LAMA1: variants seen among roughly 807,000 people sequenced by gnomAD.
The protein encoded by LAMA1 is laminin subunit alpha 1, also known as laminin subunit alpha-1.
A neutral mutation model predicts 348.7 loss-of-function variants in LAMA1; 219 were observed. The ratio of observed to expected loss-of-function variants is 0.63; its 90% confidence interval spans 0.56 to 0.70. LAMA1 has a LOEUF of 0.70. LAMA1 is among the 30% of genes least tolerant of loss of function. The pLI is 0.00. For missense variants in LAMA1, 3,744 were observed against 3,888.0 expected (o/e 0.96, Z 0.99); for synonymous variants, 1,487 against 1,491.0 (o/e 1.00, Z 0.06).
chr18:7,089,971 T>C (rs1489512170), intron 1 of LAMA1, among the ~76,000 whole-genome samples: 1 of 152,160 alleles, frequency 6.6e-6, no homozygotes, highest in Non-Finnish European at 1.5e-5. Context: ...TGTTTTAAAA[T>C]TAAGTATACA....
chr18:7,017,607 G>T (rs949265926), intron 19 of LAMA1, among the ~76,000 whole-genome samples: 3 of 152,142 alleles, frequency 2.0e-5, no homozygotes, highest in African/African-American at 7.2e-5. Context: ...ACACATTGAA[G>T]CTATTAAGAC....
Position 6,943,392 on chromosome 18 carries a change from T to C in LAMA1, c.8855A>G (p.His2952Arg), listed in dbSNP as rs772869681. The change falls in exon 62 of 63, where the codon CAT becomes CGT. Residue 2952 changes from histidine (H) to arginine (R), a missense_variant. Around this residue, in one of 3 missense-constraint regions of LAMA1, gnomAD observed 232 missense variants for 264.4 expected, o/e 0.88. Transcript: ENST00000389658. ...TATCCTGCCAGCACCATTGTTGACATGGAACAAGACCTAAAAGCAAATATC... is the reference window on the plus strand; with the variant it reads ...TATCCTGCCAGCACCATTGTTGACACGGAACAAGACCTAAAAGCAAATATC... Reference protein sequence around the residue: ...LELVDGKVLFHVNNGAGRITA... With the variant: ...LELVDGKVLFRVNNGAGRITA... 15 of 1,613,992 alleles carry C rather than the reference T, an allele frequency of 9.3e-6. No homozygotes were observed. In the African/African-American group the frequency reaches 1.7e-4, roughly 19 times the overall value.
intron 1 of LAMA1, among the ~76,000 whole-genome samples, chr18:7,107,535 C>T (rs1254819788): frequency 6.6e-6 from 1 of 152,160 alleles, no homozygotes; most frequent in Admixed American, 6.6e-5. Context: ...GAACAGGGCT[C>T]TCCAGACACA....
intron 11 of LAMA1, 43 bp downstream of exon 11, chr18:7,038,767 C>A (rs765316782): frequency 6.2e-7 from 1 of 1,610,150 alleles, no homozygotes; most frequent in East Asian, 2.2e-5. Context: ...TTGTGCAATA[C>A]GACCTGCTCA....
At chr18:6,973,279 T>C in intron 46 of LAMA1, 72 bp from the exon 47 acceptor site, 1 of 1,414,434 alleles carries the variant, frequency 7.1e-7, no homozygotes, top group Non-Finnish European at 9.9e-7. Flanking sequence ...CCCGTTTCCT[T>C]CACACCCACC....
chr18:6,996,040 A>T (rs1312929758), intron 33 of LAMA1, among the ~76,000 whole-genome samples: 1 of 152,166 alleles, frequency 6.6e-6, no homozygotes, highest in Admixed American at 6.5e-5. Flanking sequence ...GTCTTATTTG[A>T]TATATATAAA....
chr18:7,053,034 A>C (rs2058068279), intron 3 of LAMA1, among the ~76,000 whole-genome samples: 1 of 152,212 alleles, frequency 6.6e-6, no homozygotes, highest in Non-Finnish European at 1.5e-5. Flanking sequence ...ATAATAAATA[A>C]ATAAATAAAC....
intron 17 of LAMA1, among the ~76,000 whole-genome samples, chr18:7,025,006 C>A (rs1031356844): frequency 6.6e-6 from 1 of 152,196 alleles, no homozygotes; most frequent in Non-Finnish European, 1.5e-5. Context: ...GGATCCTGTG[C>A]AGGGTGGATG....
intron 1 of LAMA1, among the ~76,000 whole-genome samples, chr18:7,109,622 T>C (rs1385195974): frequency 6.6e-6 from 1 of 152,092 alleles, no homozygotes; most frequent in Admixed American, 6.6e-5. Flanking sequence ...GAGAGAGTCA[T>C]GTAACCAAAT....
rs1031885751 is a variant in LAMA1, at chr18:6,968,232, G to A, written c.6900-1935C>T. Among the ~76,000 whole-genome samples the A allele has an allele frequency of 6.6e-5, 10 of 152,230 alleles. No homozygotes were observed. The South Asian group carries it at 1.7e-3, about 25-fold the overall frequency. ...GGAGCCTGGAATTAGGAGAGCGTCC[G>A]CCCTCCCCAGCGCTCAGCCCCGTGA... On this transcript the variant is annotated intron_variant, in intron 48 of 62. Transcript: ENST00000389658.
intron 1 of LAMA1, among the ~76,000 whole-genome samples, chr18:7,103,145 C>T (rs933987629): frequency 2.6e-5 from 4 of 152,176 alleles, no homozygotes; most frequent in East Asian, 1.9e-4. Flanking sequence ...CGGCCAGGCA[C>T]GGTGGCTCAC....
At position 6,947,251 on chromosome 18, in the gene LAMA1, T is replaced by C; in HGVS notation, c.8756A>G (p.Glu2919Gly). 1.2e-6 allele frequency: 2 copies of C among 1,614,074 alleles called. No individual in the cohort carries two copies. Among genetic ancestry groups the C allele is most frequent in the Non-Finnish European group, 8.5e-7 (1 of 1,180,032 alleles). ...GCCATTCTGCGAGGAGGTTCGAAAC[T>C]CCAGTGTGATGTTCACATCTGACTG... is the stretch of plus-strand genomic sequence containing the variant. ...KVQSDVNITLEFRTSSQNGVL... is the reference protein window; with the variant it reads ...KVQSDVNITLGFRTSSQNGVL... Residue 2919 changes from glutamate (E) to glycine (G), a missense_variant, in exon 61 of 63, where the codon GAG (glutamate) becomes GGG (glycine). By Grantham distance (98) the Glu-to-Gly change is moderately conservative. Around this residue, in one of 3 missense-constraint regions of LAMA1, gnomAD observed 232 missense variants for 264.4 expected, o/e 0.88. Transcript: ENST00000389658.
chr18:7,068,360 T>C (rs756001212), intron 3 of LAMA1, among the ~76,000 whole-genome samples: 12 of 152,238 alleles, frequency 7.9e-5, no homozygotes, highest in African/African-American at 2.9e-4. Flanking sequence ...GAACCGCCCA[T>C]GTGTTGTCCA....
intron 58 of LAMA1, among the ~76,000 whole-genome samples, chr18:6,950,132 C>A (rs993629179): frequency 7.2e-5 from 11 of 152,144 alleles, no homozygotes; most frequent in African/African-American, 2.7e-4. Context: ...TACCCAGGAA[C>A]TGGCTCAGCA....
chr18:6,996,356 A>G (rs1014018538), intron 33 of LAMA1, among the ~76,000 whole-genome samples: 1 of 152,224 alleles, frequency 6.6e-6, no homozygotes, highest in Non-Finnish European at 1.5e-5. Context: ...GAAAACTCTT[A>G]TCTAAGAAAA....
intron 1 of LAMA1, among the ~76,000 whole-genome samples, chr18:7,082,865 C>T (rs1376187056): frequency 6.6e-6 from 1 of 152,124 alleles, no homozygotes; most frequent in Non-Finnish European, 1.5e-5. Flanking sequence ...ACAAATACTT[C>T]ACCAGTTAAC....
At chr18:7,013,408 A>C (rs894972296) in intron 23 of LAMA1, among the ~76,000 whole-genome samples, 8 of 152,050 alleles carry the variant, frequency 5.3e-5, no homozygotes, top group Non-Finnish European at 8.8e-5. Flanking sequence ...TTGAAGTCTT[A>C]CCTCTTGGGA....
intron 6 of LAMA1, among the ~76,000 whole-genome samples, chr18:7,045,824 G>T (rs1226973549): frequency 6.6e-6 from 1 of 152,084 alleles, no homozygotes; most frequent in East Asian, 1.9e-4. Context: ...CTCCCAAAGT[G>T]CTGGGATTAC....
chr18:6,967,458 C>T (rs1351965460), intron 48 of LAMA1, among the ~76,000 whole-genome samples: 1 of 152,186 alleles, frequency 6.6e-6, no homozygotes, highest in African/African-American at 2.4e-5. Flanking sequence ...AGGTCCCCAA[C>T]ATACTAGCTG....
Sources: gnomAD v4.1 joint callset for allele counts (sites outside exome capture counted in the v4.1 genomes callset) on GRCh38, gnomAD v4.1.1 for gene constraint, gnomAD v4.1.1 regional missense constraint, MANE v1.5 for transcripts, NCBI Gene and HGNC (gene_info 2026-07-23, HGNC 2026-07-21) for gene names.